ALMS1: variants seen among roughly 807,000 people sequenced by gnomAD.
ALMS1 encodes ALMS1 centrosome and basal body associated protein.
ALMS1 carries 271 observed loss-of-function variants against 352.2 expected under a neutral mutation model. The ratio of observed to expected loss-of-function variants is 0.77; its 90% confidence interval spans 0.70 to 0.85. The LOEUF (loss-of-function observed/expected upper bound fraction) is 0.85. Ranked by LOEUF, ALMS1 falls within the 40% of genes least tolerant of loss-of-function variation. ALMS1 has a pLI of 0.00. For synonymous variants in ALMS1, 1,865 were observed against 1,761.2 expected, an observed-to-expected ratio of 1.06 and a Z score of -1.48; for missense variants, 5,445 against 4,870.7, an observed-to-expected ratio of 1.12 and a Z score of -3.51.
At chr2:73,497,422 A>G (rs1673131848) in intron 10 of ALMS1, among the ~76,000 whole-genome samples, 1 of 152,024 alleles carries the variant, frequency 6.6e-6, no homozygotes, top group South Asian at 2.1e-4. Flanking sequence ...ACCATACCCA[A>G]TATGTAGTTT....
At chr2:73,602,062 T>C in intron 19 of ALMS1, 123 bp from the exon 20 acceptor site, 1 of 1,021,838 alleles carries the variant, frequency 9.8e-7, no homozygotes, top group Non-Finnish European at 1.5e-6. Context: ...GCTAGATACT[T>C]TCTCGGCATT....
chr2:73,449,862 C>T lies in ALMS1; in HGVS notation c.3335C>T (p.Pro1112Leu), dbSNP rs768839876. The T allele has an allele frequency of 1.2e-6, 2 of 1,614,038 alleles. No individual in the cohort carries two copies. The highest frequency in any genetic ancestry group is 1.7e-6 in the Non-Finnish European group (2 of 1,179,964). Residue 1112 changes from proline (P) to leucine (L), a missense_variant, in exon 8 of 23, where the codon CCA becomes CTA. By Grantham distance (98) the Pro-to-Leu change is moderately conservative. Coordinates refer to ENST00000613296, the MANE Select transcript of ALMS1 (RefSeq NM_001378454.1). ...GGTATTTTCTACCAACAGACCTTGC[C>T]AGAGAGTCATCTGCCTAAAGAGGCT... ...KPGIFYQQTLPESHLPKEALK... is the reference protein window; with the variant it reads ...KPGIFYQQTLLESHLPKEALK...
intron 6 of ALMS1, 98 bp downstream of exon 6, chr2:73,426,651 T>A (rs1391513448): frequency 1.2e-5 from 15 of 1,248,242 alleles, no homozygotes; most frequent in Middle Eastern, 2.6e-4. Flanking sequence ...TTTTACTGTT[T>A]CCTGGGTACA....
At chr2:73,597,678 G>C (rs10175491) in intron 16 of ALMS1, among the ~76,000 whole-genome samples, 1 of 152,030 alleles carries the variant, frequency 6.6e-6, no homozygotes, top group African/African-American at 2.4e-5. Context: ...TCCTTTTCTA[G>C]ATGGGGAAAC....
At chr2:73,416,417 C>G (rs1671181827) in intron 2 of ALMS1, among the ~76,000 whole-genome samples, 3 of 152,084 alleles carry the variant, frequency 2.0e-5, no homozygotes. Context: ...ATATTTCTCT[C>G]CACATTTTTT....
Position 73,491,498 on chromosome 2 carries a change from G to A in ALMS1, c.9539G>A (p.Arg3180Gln), listed in dbSNP as rs772197358. 6.2e-6 allele frequency: 10 copies of A among 1,613,848 alleles called. No homozygotes were observed. Among genetic ancestry groups the A allele is most frequent in the East Asian group, 2.2e-5 (1 of 44,882 alleles). ...NPEGTPVFAD[R>Q]LPEKMKTPLS... ...GAGGGGACCCCAGTATTTGCAGATCGGTGAGTCTCATTGTGATAACAAGCA... is the reference window on the plus strand; with the variant it reads ...GAGGGGACCCCAGTATTTGCAGATCAGTGAGTCTCATTGTGATAACAAGCA... Residue 3180 changes from arginine to glutamine, a missense_variant and splice_region_variant, in exon 10 of 23, where the codon CGA (arginine) becomes CAA (glutamine). Physicochemically the swap from Arg to Gln is conservative, Grantham distance 43. Coordinates refer to ENST00000613296, the MANE Select transcript of ALMS1 (RefSeq NM_001378454.1).
chr2:73,540,263 C>G (rs533458193), intron 12 of ALMS1, among the ~76,000 whole-genome samples: 28 of 152,270 alleles, frequency 1.8e-4, no homozygotes, highest in East Asian at 1.7e-3. Context: ...CATATCCAGC[C>G]AAACTAAGCT....
rs1553397376 is a variant in ALMS1 at position 73,395,040 on chromosome 2, GTGTGTATATATATATA to G, written c.324+8866_324+8881del. 4.5e-3 allele frequency among the ~76,000 whole-genome samples: 403 copies of G among 88,778 alleles called. 2 individuals are homozygous for G. Among genetic ancestry groups the G allele is most frequent in the Non-Finnish European group, 6.8e-3 (332 of 48,898 alleles). The allele number at this position is 88,778 out of a possible 152,430, so 58.2% of individuals were successfully genotyped here. On this transcript the variant is annotated intron_variant, in intron 1 of 22. Coordinates refer to ENST00000613296, the MANE Select transcript of ALMS1 (RefSeq NM_001378454.1). ...TGTATATATATGTGTATATATATGT[GTGTGTATATATATATA>G]TGTGTATATATATATATATATATTT...
At position 73,550,455 on chromosome 2, in the gene ALMS1, G is replaced by C. The variant is rs1485299415; in HGVS notation, c.10078+18G>C. On this transcript the variant is annotated intron_variant, in intron 13 of 22. Transcript: ENST00000613296. ...AAATGCAGGTAACTGGATTGGCTTT[G>C]TATACTTTGTAGCTTTTTCTCCCCT... 1 of 1,613,748 alleles carries C rather than the reference G, an allele frequency of 6.2e-7. No individual in the cohort carries two copies. The highest frequency in any genetic ancestry group is 8.5e-7 in the Non-Finnish European group (1 of 1,179,812).
At chr2:73,415,978 A>G (rs1434674240) in intron 2 of ALMS1, among the ~76,000 whole-genome samples, 1 of 152,212 alleles carries the variant, frequency 6.6e-6, no homozygotes, top group Admixed American at 6.5e-5. Context: ...ATTGCAGTAG[A>G]GGAACTAGAG....
Position 73,522,960 on chromosome 2 carries a change from T to C in ALMS1, c.9781+2944T>C, listed in dbSNP as rs1266223427. Among the ~76,000 whole-genome samples the C allele has an allele frequency of 7.2e-5, 11 of 152,346 alleles. No individual in the cohort carries two copies. The East Asian group carries it at 1.5e-3, about 21-fold the overall frequency. On this transcript the variant is annotated intron_variant, in intron 11 of 22. Coordinates refer to ENST00000613296, the MANE Select transcript of ALMS1 (RefSeq NM_001378454.1). ...GCTGCTCTATGTTTTGCTTTAGTGA[T>C]ATAAAAAATGTTAAGTAGCTAGGTG... is the stretch of plus-strand genomic sequence containing the variant.
chr2:73,490,614 A>C lies in ALMS1; in HGVS notation c.8655A>C (p.Arg2885=), dbSNP rs377249623. Residue 2885 remains arginine, a synonymous_variant, in exon 10 of 23, where the codon CGA becomes CGC. Transcript: ENST00000613296. The part of the protein sequence containing the change: ...DLPSCIFLEQ[R]ELFEQSKAPR... ...CTTCTTGCATTTTTCTTGAACAACGAGAGCTCTTTGAACAAAGCAAAGCCC... is the reference window on the plus strand; with the variant it reads ...CTTCTTGCATTTTTCTTGAACAACGCGAGCTCTTTGAACAAAGCAAAGCCC... 8.1e-6 allele frequency: 13 copies of C among 1,614,234 alleles called. No homozygotes were observed. Among genetic ancestry groups the C allele is most frequent in the Non-Finnish European group, 1.1e-5 (13 of 1,180,034 alleles).
At chr2:73,587,489 G>A (rs1675337169) in intron 16 of ALMS1, among the ~76,000 whole-genome samples, 1 of 152,146 alleles carries the variant, frequency 6.6e-6, no homozygotes, top group Non-Finnish European at 1.5e-5. Flanking sequence ...ATTATAAAGT[G>A]ATGCTGAATT....
chr2:73,418,634 T>A lies in ALMS1; in HGVS notation c.451-489T>A, dbSNP rs139977459. ...GGAGTATCTTCAAGTACAAATTCCT[T>A]CATACCCCAGAAAGTCTGTTCCTTT... is the stretch of plus-strand genomic sequence containing the variant. On this transcript the variant is annotated intron_variant, in intron 2 of 22. Coordinates refer to ENST00000613296, the MANE Select transcript of ALMS1 (RefSeq NM_001378454.1). Among the ~76,000 whole-genome samples the A allele has an allele frequency of 5.6e-4, 86 of 152,328 alleles. No homozygotes were observed. The East Asian group carries it at 0.015, about 26-fold the overall frequency.
intron 16 of ALMS1, among the ~76,000 whole-genome samples, chr2:73,590,646 A>G (rs1042726753): frequency 7.6e-6 from 1 of 131,118 alleles, no homozygotes; most frequent in African/African-American, 2.8e-5. Context: ...AGACCACTGT[A>G]GTTGCTGTTT....
chr2:73,582,947 C>A (rs959266432), intron 16 of ALMS1, among the ~76,000 whole-genome samples: 4 of 152,022 alleles, frequency 2.6e-5, no homozygotes, highest in African/African-American at 9.7e-5. Context: ...TTTTGAGGAG[C>A]CTCAACACTG....
chr2:73,408,486 G>A (rs1671014067), intron 1 of ALMS1, 136 bp from the exon 2 acceptor site: 1 of 1,002,874 alleles, frequency 1.0e-6, no homozygotes, highest in African/African-American at 1.6e-5. Flanking sequence ...CTTGTATAAT[G>A]GTTGTGAAAT....
intron 2 of ALMS1, among the ~76,000 whole-genome samples, chr2:73,409,456 G>A (rs545890245): frequency 1.3e-5 from 2 of 152,002 alleles, no homozygotes; most frequent in East Asian, 3.9e-4. Flanking sequence ...AAGAGCTTTT[G>A]TTTATGTGGA....
At chr2:73,508,124 T>C (rs1219233268) in intron 10 of ALMS1, among the ~76,000 whole-genome samples, 1 of 150,742 alleles carries the variant, frequency 6.6e-6, no homozygotes, top group Non-Finnish European at 1.5e-5. Context: ...TCTTTTCTTT[T>C]CCTTTCCTTT....
Sources: allele counts gnomAD v4.1 joint callset (sites outside exome capture counted in the v4.1 genomes callset), GRCh38; gene constraint gnomAD v4.1.1; transcripts MANE v1.5; gene names NCBI Gene and HGNC (gene_info 2026-07-23, HGNC 2026-07-21).